RALGPS1: variants seen among roughly 807,000 people sequenced by gnomAD.
RALGPS1 encodes Ral GEF with PH domain and SH3 binding motif 1.
RALGPS1 carries 19 observed loss-of-function variants against 78.8 expected under a neutral mutation model. The observed-to-expected ratio is 0.24, with a 90% CI of 0.17 to 0.35. The LOEUF is 0.35. Among genes scored for constraint, RALGPS1 ranks in the 10% least tolerant of loss-of-function variants. The probability of loss-of-function intolerance (pLI) is 1.00; values close to 1 mark genes in which losing one functional copy is unlikely to be tolerated. For missense variants in RALGPS1, 454 were observed against 688.3 expected (o/e 0.66, Z 3.81); for synonymous variants, 228 against 256.3 (o/e 0.89, Z 1.06).
At chr9:127,032,784 A>G (rs1423993389) in intron 4 of RALGPS1, among the ~76,000 whole-genome samples, 3 of 152,176 alleles carry the variant, frequency 2.0e-5, no homozygotes, top group African/African-American at 7.2e-5. Context: ...AAGGCCAGGA[A>G]TTTGAGACCA....
At chr9:127,193,676 C>T (rs1158654334) in intron 11 of RALGPS1, among the ~76,000 whole-genome samples, 3 of 152,146 alleles carry the variant, frequency 2.0e-5, no homozygotes, top group Non-Finnish European at 4.4e-5. Flanking sequence ...CTGTAGGCCA[C>T]TGGTGGGTCT....
intron 8 of RALGPS1, among the ~76,000 whole-genome samples, chr9:127,131,625 CCTGTTTGACCCG>C (rs1250565969): frequency 6.6e-6 from 1 of 152,202 alleles, no homozygotes; most frequent in African/African-American, 2.4e-5. Context: ...TAGACATGGG[CCTGTTTGACCCG>C]GAGTCCACAC....
At chr9:127,200,559 C>CA (rs2061579322) in intron 14 of RALGPS1, among the ~76,000 whole-genome samples, 1 of 152,268 alleles carries the variant, frequency 6.6e-6, no homozygotes, top group African/African-American at 2.4e-5. Context: ...CCATATTGGT[C>CA]AGTCAGTCTG....
intron 8 of RALGPS1, among the ~76,000 whole-genome samples, chr9:127,140,380 G>A (rs184067980): frequency 2.0e-5 from 3 of 152,306 alleles, no homozygotes; most frequent in South Asian, 2.1e-4. Flanking sequence ...AGTCCTGAAC[G>A]GGATGTACCC....
At chr9:126,936,312 T>A (rs2036254288) in intron 1 of RALGPS1, among the ~76,000 whole-genome samples, 2 of 152,120 alleles carry the variant, frequency 1.3e-5, no homozygotes, top group South Asian at 2.1e-4. Flanking sequence ...TGAGGCAGGA[T>A]GAATGGAGTG....
In RALGPS1 at chr9:127,212,325, T is replaced by C. The variant is rs2062312152; in HGVS notation, c.1353+89T>C. The C allele has an allele frequency of 1.0e-6, 1 of 996,952 alleles. No homozygotes were observed. Among genetic ancestry groups the C allele is most frequent in the Non-Finnish European group, 1.5e-6 (1 of 677,554 alleles). 61.8% of individuals were successfully genotyped at this position (996,952 alleles called of 1,614,324 possible). Reference sequence around the variant, plus strand: ...CCTAGAGGTCTCAGCAAAAGTCACATGCATGGCAGAGGCTCTGCTTGCAGT... The same window carrying C: ...CCTAGAGGTCTCAGCAAAAGTCACACGCATGGCAGAGGCTCTGCTTGCAGT... On this transcript the variant is annotated intron_variant, in intron 15 of 18. Transcript: ENST00000259351. This position sits in a 1 kb window ranked among gnomAD's most constrained non-coding sequence, Gnocchi z 6.0.
intron 4 of RALGPS1, among the ~76,000 whole-genome samples, chr9:127,009,779 A>G (rs1319665656): frequency 6.6e-6 from 1 of 152,110 alleles, no homozygotes; most frequent in Non-Finnish European, 1.5e-5. Flanking sequence ...TGTCCCCAGC[A>G]TACCTGTGAG....
At chr9:126,941,606 A>G (rs774795999) in intron 1 of RALGPS1, among the ~76,000 whole-genome samples, 8 of 152,028 alleles carry the variant, frequency 5.3e-5, no homozygotes, top group Non-Finnish European at 1.2e-4. Context: ...TGTTTCCCCC[A>G]CTAGAATATA....
chr9:127,108,026 G>A (rs2054391902), intron 8 of RALGPS1: 17 of 1,609,724 alleles, frequency 1.1e-5, no homozygotes, highest in Non-Finnish European at 1.4e-5. Flanking sequence ...GTAGAGATCT[G>A]GTTGATGATG....
chr9:126,977,091 A>G (rs1231798117), intron 3 of RALGPS1, among the ~76,000 whole-genome samples: 1 of 152,210 alleles, frequency 6.6e-6, no homozygotes, highest in Non-Finnish European at 1.5e-5. Flanking sequence ...TTGCTATGCA[A>G]GTTCCAAATG....
chr9:127,183,783 GA>G lies in RALGPS1; in HGVS notation c.910+9002del. Reference sequence around the variant, plus strand: ...TTATATTTTCGGAATGGATGGGTGGGAGGGGCCCTCCATGAGGACCTCAGGG... The same window carrying G: ...TTATATTTTCGGAATGGATGGGTGGGGGGGCCCTCCATGAGGACCTCAGGG... On this transcript the variant is annotated intron_variant, in intron 11 of 18. Transcript: ENST00000259351. The surrounding 1 kb of genome is among the most constrained non-coding windows in gnomAD (Gnocchi z 4.0). 3 of 1,216,966 alleles carry G rather than the reference GA, an allele frequency of 2.5e-6. No homozygotes were observed. The South Asian group carries it at 4.5e-5, about 18-fold the overall frequency. The allele number at this position is 1,216,966 out of a possible 1,614,324, so 75.4% of individuals were successfully genotyped here.
At chr9:127,174,342 ACT>A (rs931696683) in intron 10 of RALGPS1, among the ~76,000 whole-genome samples, 6 of 152,062 alleles carry the variant, frequency 3.9e-5, no homozygotes, top group Non-Finnish European at 8.8e-5. Context: ...GAAAAAACTA[ACT>A]CTGGTTCAGG....
chr9:127,094,066 G>T (rs2052823259), intron 8 of RALGPS1: 2 of 840,682 alleles, frequency 2.4e-6, no homozygotes, highest in African/African-American at 1.7e-5. Context: ...ACCAATTTTT[G>T]TTTTGCGAGT....
chr9:127,201,087 A>G (rs1449735310), intron 14 of RALGPS1, among the ~76,000 whole-genome samples: 1 of 152,212 alleles, frequency 6.6e-6, no homozygotes, highest in East Asian at 1.9e-4. Flanking sequence ...GGTGGTGAGA[A>G]AGAATTCCTT....
In RALGPS1 at chr9:126,955,230, G is replaced by A. The variant is rs188075107; in HGVS notation, c.-65-6995G>A. On this transcript the variant is annotated intron_variant, in intron 1 of 18. Transcript: ENST00000259351. ...ACTGCCTACCTAGAATATAAGTTCC[G>A]TGGCAGCAGGGACCTTCTGTGCCTG... Among the ~76,000 whole-genome samples, 121 of 152,218 alleles carry A rather than the reference G, an allele frequency of 7.9e-4. 1 individual carries two copies. The highest frequency in any genetic ancestry group is 3.4e-3 in the Middle Eastern group (1 of 294).
intron 8 of RALGPS1, among the ~76,000 whole-genome samples, chr9:127,136,314 G>A (rs1437787075): frequency 6.6e-6 from 1 of 152,200 alleles, no homozygotes; most frequent in Non-Finnish European, 1.5e-5. Flanking sequence ...GCCAGGGAGG[G>A]GGAGGCCTGT....
chr9:126,929,403 G>A (rs370936801), intron 1 of RALGPS1, among the ~76,000 whole-genome samples: 5 of 152,340 alleles, frequency 3.3e-5, no homozygotes, highest in East Asian at 1.9e-4. Flanking sequence ...ACACCTGGAG[G>A]TGATGAGGAC....
At chr9:127,085,735 C>T (rs1189314483) in intron 8 of RALGPS1, among the ~76,000 whole-genome samples, 1 of 152,136 alleles carries the variant, frequency 6.6e-6, no homozygotes, top group Non-Finnish European at 1.5e-5. Flanking sequence ...CTTTCCAGAG[C>T]TCTCTGTTTG....
At chr9:127,024,644 A>C in intron 4 of RALGPS1, among the ~76,000 whole-genome samples, 1 of 152,102 alleles carries the variant, frequency 6.6e-6, no homozygotes, top group East Asian at 1.9e-4. Context: ...ATTCCCTAGT[A>C]ACCCTGGGCC....
Sources: allele counts gnomAD v4.1 joint callset (sites outside exome capture counted in the v4.1 genomes callset), GRCh38; gene constraint gnomAD v4.1.1; non-coding constraint Gnocchi (gnomAD v3.1); transcripts MANE v1.5; gene names NCBI Gene and HGNC (gene_info 2026-07-23, HGNC 2026-07-21).